Variants in SPG21 observed in about 807,000 individuals in gnomAD.
SPG21 encodes the protein SPG21 abhydrolase domain containing, maspardin.
SPG21 carries 26 observed loss-of-function variants against 38.9 expected under a neutral mutation model. The observed-to-expected ratio is 0.67, with a 90% confidence interval of 0.49 to 0.93. The LOEUF is 0.93. Among genes scored for constraint, SPG21 ranks in the 40% least tolerant of loss-of-function variants. The pLI, the probability that SPG21 is intolerant of heterozygous loss-of-function variation, is 0.00. For synonymous variants in SPG21, 136 were observed against 128.9 expected (o/e 1.05, Z -0.37); for missense variants, 333 against 376.5 (o/e 0.88, Z 0.96).
At chr15:64,973,553 G>A (rs1300840572) in intron 5 of SPG21, among the ~76,000 whole-genome samples, 1 of 152,074 alleles carries the variant, frequency 6.6e-6, no homozygotes, top group African/African-American at 2.4e-5. Context: ...CTGGGTTCAA[G>A]TGATTCTCCT....
At chr15:64,982,062 G>A (rs1244771511) in intron 2 of SPG21, among the ~76,000 whole-genome samples, 2 of 151,936 alleles carry the variant, frequency 1.3e-5, no homozygotes, top group East Asian at 3.8e-4. Flanking sequence ...GACTTCCACA[G>A]GTCACAGATG....
intron 5 of SPG21, among the ~76,000 whole-genome samples, chr15:64,972,614 C>T (rs1025824714): frequency 1.2e-4 from 18 of 152,238 alleles, no homozygotes; most frequent in South Asian, 2.1e-4. Context: ...GGGCGGATCA[C>T]GAGGTCAGGA....
intron 7 of SPG21, among the ~76,000 whole-genome samples, chr15:64,968,231 T>G (rs2085582989): frequency 6.8e-6 from 1 of 147,470 alleles, no homozygotes; most frequent in Non-Finnish European, 1.5e-5. Context: ...TCCAAGCTAC[T>G]AAGGAGGCTG....
At position 64,974,590 on chromosome 15, in the gene SPG21, T is replaced by C. The variant is rs970643116; in HGVS notation, c.452+12A>G. The C allele has an allele frequency of 1.2e-6, 2 of 1,614,026 alleles. No homozygotes were observed. Among genetic ancestry groups the C allele is most frequent in the Admixed American group, 1.7e-5 (1 of 59,984 alleles). ...AAATTTCACTGAACAAAAAAAGTAATTTTGTTCTTACCTGTTTGCAGTCCA... is the reference window on the plus strand; with the variant it reads ...AAATTTCACTGAACAAAAAAAGTAACTTTGTTCTTACCTGTTTGCAGTCCA... On this transcript the variant is annotated intron_variant, in intron 5 of 8. Coordinates refer to ENST00000204566, the MANE Select transcript of SPG21 (RefSeq NM_016630.7).
intron 7 of SPG21, among the ~76,000 whole-genome samples, chr15:64,966,900 AAAAAAC>A (rs60401159): frequency 0.99 from 150,076 of 151,094 alleles, 74,535 homozygotes; most frequent in East Asian, 1. Flanking sequence ...CTTTGTCTCA[AAAAAAC>A]AAAAACAAAA....
In SPG21 at chr15:64,980,990, C is replaced by A. The variant is rs772169215; in HGVS notation, c.99G>T (p.Ser33=). 1.2e-6 allele frequency: 2 copies of A among 1,613,986 alleles called. No individual in the cohort carries two copies. The highest frequency in any genetic ancestry group is 8.5e-7 in the Non-Finnish European group (1 of 1,179,980). Residue 33 remains serine (S), a synonymous_variant, in exon 3 of 9, where the codon TCG becomes TCT. Transcript: ENST00000204566. ...IVDDDDSKIW[S]LYDAGPRSIR... ...TACTTCGGGGGCCCGCGTCATAGAG[C>A]GACCATATCTTACTGTCATCATCAT...
At chr15:64,970,995 C>A (rs999513728) in intron 5 of SPG21, among the ~76,000 whole-genome samples, 3 of 152,056 alleles carry the variant, frequency 2.0e-5, no homozygotes, top group African/African-American at 7.2e-5. Flanking sequence ...CCACCTCAGC[C>A]TCCCACAGTG....
At chr15:64,968,966 T>C (rs1288472866) in intron 7 of SPG21, among the ~76,000 whole-genome samples, 1 of 152,176 alleles carries the variant, frequency 6.6e-6, no homozygotes, top group Non-Finnish European at 1.5e-5. Flanking sequence ...GGTCCTGAAC[T>C]CTTGGACTCA....
intron 7 of SPG21, among the ~76,000 whole-genome samples, chr15:64,966,825 G>A (rs1207037393): frequency 6.6e-6 from 1 of 152,080 alleles, no homozygotes; most frequent in Admixed American, 6.6e-5. Flanking sequence ...CGTCAACCCA[G>A]GAGGCGGAGC....
intron 7 of SPG21, among the ~76,000 whole-genome samples, chr15:64,968,288 T>C (rs995065363): frequency 7.3e-6 from 1 of 137,670 alleles, no homozygotes; most frequent in Admixed American, 8.5e-5. Flanking sequence ...TGCAGTGAGC[T>C]GAGATTGCAC....
intron 6 of SPG21, 84 bp downstream of exon 6, chr15:64,970,030 G>A: frequency 5.4e-6 from 6 of 1,113,286 alleles, no homozygotes; most frequent in South Asian, 4.9e-5. Context: ...ACACATACTT[G>A]TGAGACAGAT....
chr15:64,986,093 C>T (rs1453469697), intron 1 of SPG21, among the ~76,000 whole-genome samples: 26 of 152,236 alleles, frequency 1.7e-4, no homozygotes. Flanking sequence ...TAAGGCCAGG[C>T]ACAGTGGCTC....
intron 7 of SPG21, among the ~76,000 whole-genome samples, chr15:64,968,118 C>A (rs1470610894): frequency 1.3e-5 from 2 of 152,116 alleles, no homozygotes; most frequent in African/African-American, 4.8e-5. Flanking sequence ...GAGGCCCAGG[C>A]AGGCAGACAG....
intron 5 of SPG21, among the ~76,000 whole-genome samples, chr15:64,970,610 T>C (rs564074002): frequency 3.3e-5 from 5 of 152,338 alleles, no homozygotes; most frequent in South Asian, 2.1e-4. Flanking sequence ...TTTTTATCGA[T>C]TGATATTTCA....
rs1310012277 is a variant in SPG21 at position 64,980,744 on chromosome 15, C to T, written c.225+120G>A. On this transcript the variant is annotated intron_variant, in intron 3 of 8. Coordinates refer to ENST00000204566, the MANE Select transcript of SPG21 (RefSeq NM_016630.7). ...CAGAGTGAGAATCCATCTCAACAAA[C>T]AAACAAACAAACAAACAAACAAACA... is the stretch of plus-strand genomic sequence containing the variant. The T allele has an allele frequency of 4.6e-6, 5 of 1,095,162 alleles. No individual in the cohort carries two copies. In the South Asian group the frequency reaches 5.8e-5, roughly 13 times the overall value. The allele number at this position is 1,095,162 out of a possible 1,614,324, so 67.8% of individuals were successfully genotyped here.
intron 7 of SPG21, among the ~76,000 whole-genome samples, chr15:64,968,344 A>AG (rs1380079409): frequency 6.6e-5 from 10 of 151,038 alleles, no homozygotes; most frequent in Non-Finnish European, 3.0e-5. Flanking sequence ...TGTTTCCAAA[A>AG]AAAAAAAAAA....
Position 64,963,595 on chromosome 15 carries a change from CTCA to C in SPG21, c.*22_*24del, listed in dbSNP as rs1486302333. 1 of 1,570,772 alleles carries C rather than the reference CTCA, an allele frequency of 6.4e-7. No homozygotes were observed. Among genetic ancestry groups the C allele is most frequent in the Admixed American group, 1.7e-5 (1 of 59,976 alleles). ...ACTATACAAGAACACACCGGGTCAA[CTCA>C]TCATTGACAGCGAGAGACACACTAC... On this transcript the variant is annotated 3_prime_UTR_variant, in exon 9 of 9. Coordinates refer to ENST00000204566, the MANE Select transcript of SPG21 (RefSeq NM_016630.7).
chr15:64,963,890 G>A (rs2085496275), intron 8 of SPG21, among the ~76,000 whole-genome samples, 154 bp from the exon 9 acceptor site: 1 of 152,058 alleles, frequency 6.6e-6, no homozygotes, highest in Non-Finnish European at 1.5e-5. Flanking sequence ...CCGAGTAGCT[G>A]GGATTACAGG....
Position 64,963,728 on chromosome 15 carries a change from C to T in SPG21, c.819G>A (p.Leu273=). ...CGTATTTGGTTCCATGGAATTGCAG[C>T]AAATGTATCTGTTGAAATGCAGAAT... is the stretch of plus-strand genomic sequence containing the variant. ...AEVNLYVQIH[L]LQFHGTKYAA... Residue 273 remains leucine, a synonymous_variant, in exon 9 of 9, where the codon TTG becomes TTA. Transcript: ENST00000204566. 6.2e-7 allele frequency: 1 copy of T among 1,613,562 alleles called. No individual in the cohort carries two copies. The highest frequency in any genetic ancestry group is 8.5e-7 in the Non-Finnish European group (1 of 1,179,580).
Sources: gnomAD v4.1 joint callset for allele counts (sites outside exome capture counted in the v4.1 genomes callset) on GRCh38, gnomAD v4.1.1 for gene constraint, MANE v1.5 for transcripts, NCBI Gene and HGNC (gene_info 2026-07-23, HGNC 2026-07-21) for gene names.